DCLRE1B: variants seen among roughly 807,000 people sequenced by gnomAD.
DCLRE1B encodes 5' exonuclease Apollo.
Under a neutral mutation model 19.8 loss-of-function variants are expected in DCLRE1B, and 6 were observed. That is an observed-to-expected ratio of 0.30 (90% confidence interval 0.17 to 0.60). The LOEUF (loss-of-function observed/expected upper bound fraction) is 0.60, where lower values mean the gene tolerates loss of function less well. DCLRE1B is among the 20% of genes least tolerant of loss of function. DCLRE1B has a pLI of 0.87. For synonymous variants in DCLRE1B, 258 were observed against 255.7 expected, an observed-to-expected ratio of 1.01 and a Z score of -0.09; for missense variants, 622 against 654.2, an observed-to-expected ratio of 0.95 and a Z score of 0.54.
chr1:113,909,338 T>C (rs1201616845), intron 3 of DCLRE1B, among the ~76,000 whole-genome samples: 1 of 152,240 alleles, frequency 6.6e-6, no homozygotes, highest in East Asian at 1.9e-4. Context: ...AGTTGCCATT[T>C]GGAATAGTTT....
chr1:113,912,203 T>A lies in DCLRE1B; in HGVS notation c.*12T>A, dbSNP rs1669290587. On this transcript the variant is annotated 3_prime_UTR_variant, in exon 4 of 4. Coordinates refer to ENST00000650450, the MANE Select transcript of DCLRE1B (RefSeq NM_022836.4). The stretch of plus-strand genomic sequence containing the variant: ...ATAAACCCTGCTGAAGACAGGAGAG[T>A]ACAGAATGACAACATTGAGCCCACA... The A allele has an allele frequency of 6.3e-7, 1 of 1,587,654 alleles. No homozygotes were observed. The highest frequency in any genetic ancestry group is 1.3e-5 in the African/African-American group (1 of 74,274).
At chr1:113,911,108 C>G in intron 3 of DCLRE1B, 23 bp from the exon 4 acceptor site, 2 of 1,579,338 alleles carry the variant, frequency 1.3e-6, no homozygotes, top group Non-Finnish European at 8.6e-7. Flanking sequence ...CTTACTTTCC[C>G]CAATACATTG....
rs760666458 is a variant in DCLRE1B, at chr1:113,912,092, A to C, written c.1500A>C (p.Leu500=). 7 of 1,614,256 alleles carry C rather than the reference A, an allele frequency of 4.3e-6. No individual in the cohort carries two copies. Among genetic ancestry groups the C allele is most frequent in the Non-Finnish European group, 5.1e-6 (6 of 1,180,050 alleles). Residue 500 remains leucine, a synonymous_variant, in exon 4 of 4, where the codon CTA becomes CTC. Coordinates refer to ENST00000650450, the MANE Select transcript of DCLRE1B (RefSeq NM_022836.4). ...TTCTAGCTACTGAATTCAGGGGTCT[A>C]GCACTCAAATATCTTCTGACTCCAG... ...TPLLATEFRG[L]ALKYLLTPVN...
In DCLRE1B at chr1:113,911,774, G is replaced by A; in HGVS notation, c.1182G>A (p.Leu394=). ...DLEKQPSHHP[L]RIKKQLFPDL... is the part of the protein sequence containing the mutation. ...AAAAGCAGCCTTCCCACCATCCTTT[G>A]CGGATCAAGAAGCAGTTGTTCCCAG... The change falls in exon 4 of 4, where the codon TTG becomes TTA. Residue 394 remains leucine, a synonymous_variant. Transcript: ENST00000650450. The A allele has an allele frequency of 6.2e-7, 1 of 1,614,148 alleles. No homozygotes were observed. Among genetic ancestry groups the A allele is most frequent in the South Asian group, 1.1e-5 (1 of 91,088 alleles).
At chr1:113,905,234 T>C, upstream of DCLRE1B, 1 of 345,000 alleles carries the variant, frequency 2.9e-6, no homozygotes, top group Admixed American at 4.7e-5. Context: ...AACCTCTCAC[T>C]CTCCAGGCGC....
rs1211215258 is a variant in DCLRE1B at position 113,909,305 on chromosome 1, CATT to C, written c.538+1115_538+1117del. 2.6e-5 allele frequency among the ~76,000 whole-genome samples: 4 copies of C among 152,244 alleles called. No homozygotes were observed. In the South Asian group the frequency reaches 8.3e-4, roughly 32 times the overall value. On this transcript the variant is annotated intron_variant, in intron 3 of 3. Coordinates refer to ENST00000650450, the MANE Select transcript of DCLRE1B (RefSeq NM_022836.4). ...TGTACTGATTATAAATAGTATAAAA[CATT>C]GTTGAGGACTCTTTCTTGGAGTTGC...
At chr1:113,908,633 A>G (rs1021275960) in intron 3 of DCLRE1B, among the ~76,000 whole-genome samples, 3 of 152,186 alleles carry the variant, frequency 2.0e-5, no homozygotes, top group Non-Finnish European at 4.4e-5. Flanking sequence ...AATGAATGAA[A>G]TAAGTAAAAC....
chr1:113,907,266 G>A (rs1325450312), intron 2 of DCLRE1B, 105 bp downstream of exon 2: 4 of 1,075,524 alleles, frequency 3.7e-6, no homozygotes, highest in East Asian at 2.7e-5. Flanking sequence ...CAGTGTTGCC[G>A]AGGCTGGTCT....
Position 113,912,130 on chromosome 1 carries a change from A to G in DCLRE1B, c.1538A>G (p.Gln513Arg). The G allele has an allele frequency of 6.2e-7, 1 of 1,614,224 alleles. No homozygotes were observed. The highest frequency in any genetic ancestry group is 8.5e-7 in the Non-Finnish European group (1 of 1,180,040). The part of the protein sequence containing the change: ...KYLLTPVNFF[Q>R]AGYSSRRFDQ... ...CTTCTGACTCCAGTGAACTTTTTCC[A>G]GGCAGGGTATTCTTCCAGGAGATTT... Residue 513 changes from glutamine to arginine, a missense_variant, in exon 4 of 4, where the codon CAG becomes CGG. Around this residue, in one of 3 missense-constraint regions of DCLRE1B, gnomAD observed 382 missense variants for 412.5 expected, o/e 0.93. Transcript: ENST00000650450.
At chr1:113,905,317 G>A (rs916230586), upstream of DCLRE1B, 49 of 479,104 alleles carry the variant, frequency 1.0e-4, 1 homozygote, top group Non-Finnish European at 1.7e-4. Context: ...TCTCCTCCCT[G>A]CAGCGCGCGC....
Position 113,911,315 on chromosome 1 carries a change from C to T in DCLRE1B, c.723C>T (p.Asn241=), listed in dbSNP as rs758713704. 4 of 1,614,194 alleles carry T rather than the reference C, an allele frequency of 2.5e-6. No homozygotes were observed. The highest frequency in any genetic ancestry group is 3.4e-6 in the Non-Finnish European group (4 of 1,180,042). The change falls in exon 4 of 4, where the codon AAC becomes AAT. Residue 241 remains asparagine (N), a synonymous_variant. Coordinates refer to ENST00000650450, the MANE Select transcript of DCLRE1B (RefSeq NM_022836.4). ...AVDHMEICHS[N]MLRWNQTHPT... is the part of the protein sequence containing the mutation. ...ACCATATGGAGATCTGCCATTCCAA[C>T]ATGCTGCGTTGGAACCAGACCCACC...
chr1:113,907,212 T>TG (rs1571606895), intron 2 of DCLRE1B, 51 bp downstream of exon 2: 4 of 1,002,722 alleles, frequency 4.0e-6, no homozygotes, highest in Non-Finnish European at 5.2e-6. Flanking sequence ...ATGTTTTTTT[T>TG]TTTTTTTTTT....
Position 113,913,886 on chromosome 1 carries a change from TG to T in DCLRE1B, c.*1696del, listed in dbSNP as rs1211422306. ...ATGTTTTTCAAAGTTGAGGTAATAT[TG>T]TATAGAATTTTATAGCCTACATTTT... On this transcript the variant is annotated 3_prime_UTR_variant, in exon 4 of 4. Coordinates refer to ENST00000650450, the MANE Select transcript of DCLRE1B (RefSeq NM_022836.4). 6.6e-6 allele frequency: 1 copy of T among 152,220 alleles called. No homozygotes were observed. Among genetic ancestry groups the T allele is most frequent in the African/African-American group, 2.4e-5 (1 of 41,466 alleles). The allele number at this position is 152,220 out of a possible 1,614,324, so 9.4% of individuals were successfully genotyped here.
chr1:113,907,061 T>C lies in DCLRE1B; in HGVS notation c.255T>C (p.Ile85=). Residue 85 remains isoleucine (I), a synonymous_variant, in exon 2 of 4, where the codon ATT becomes ATC. Coordinates refer to ENST00000650450, the MANE Select transcript of DCLRE1B (RefSeq NM_022836.4). The part of the protein sequence containing the change: ...GESHVLPLDE[I]GQETMTVTLL... ...GCCATGTATTACCCCTAGATGAAAT[T>C]GGACAAGAGACCATGACCGTAACCC... 2 of 1,613,974 alleles carry C rather than the reference T, an allele frequency of 1.2e-6. No homozygotes were observed. Among genetic ancestry groups the C allele is most frequent in the Non-Finnish European group, 8.5e-7 (1 of 1,179,990 alleles).
At position 113,913,179 on chromosome 1, in the gene DCLRE1B, C is replaced by A. The variant is rs41283518; in HGVS notation, c.*988C>A. 4,186 of 153,010 alleles carry A rather than the reference C, an allele frequency of 0.027. 75 individuals are homozygous for A. Among genetic ancestry groups the A allele is most frequent in the Non-Finnish European group, 0.042 (2,850 of 68,182 alleles). 9.5% of individuals were successfully genotyped at this position (153,010 alleles called of 1,614,324 possible). A position where few individuals can be genotyped will look rare whatever the true frequency, so the allele number is the denominator to read the frequency against. Reference sequence around the variant, plus strand: ...GGTGGGGGTGTGCAGTCTGCCCTGTCCTTCTGCTCATAACCTGACAAAATG... The same window carrying A: ...GGTGGGGGTGTGCAGTCTGCCCTGTACTTCTGCTCATAACCTGACAAAATG... On this transcript the variant is annotated 3_prime_UTR_variant, in exon 4 of 4. Coordinates refer to ENST00000650450, the MANE Select transcript of DCLRE1B (RefSeq NM_022836.4).
chr1:113,913,594 T>C lies in DCLRE1B; in HGVS notation c.*1403T>C, dbSNP rs577676284. 1.3e-5 allele frequency: 2 copies of C among 152,808 alleles called. No homozygotes were observed. Among genetic ancestry groups the C allele is most frequent in the South Asian group, 4.1e-4 (2 of 4,830 alleles). The allele number at this position is 152,808 out of a possible 1,614,324, so 9.5% of individuals were successfully genotyped here. Reference sequence around the variant, plus strand: ...AAATTGTGGAGCCTAGTTCCTCATCTGTAAGATGGACTTGAGATTCCTACC... The same window carrying C: ...AAATTGTGGAGCCTAGTTCCTCATCCGTAAGATGGACTTGAGATTCCTACC... On this transcript the variant is annotated 3_prime_UTR_variant, in exon 4 of 4. Transcript: ENST00000650450.
At position 113,913,624 on chromosome 1, in the gene DCLRE1B, A is replaced by C. The variant is rs1669343053; in HGVS notation, c.*1433A>C. 6.5e-6 allele frequency: 1 copy of C among 152,726 alleles called. No homozygotes were observed. The allele number at this position is 152,726 out of a possible 1,614,324, so 9.5% of individuals were successfully genotyped here. ...GATGGACTTGAGATTCCTACCTCTC[A>C]TGATTACTATGGAGATTGAATAATT... On this transcript the variant is annotated 3_prime_UTR_variant, in exon 4 of 4. Transcript: ENST00000650450.
rs774706467 is a variant in DCLRE1B, at chr1:113,908,162, G to A, written c.509G>A (p.Arg170Gln). 1.2e-6 allele frequency: 2 copies of A among 1,613,914 alleles called. No homozygotes were observed. The highest frequency in any genetic ancestry group is 2.2e-5 in the South Asian group (2 of 91,032). Residue 170 changes from arginine (R) to glutamine (Q), a missense_variant, in exon 3 of 4, where the codon CGA becomes CAA. Arg to Gln is a conservative substitution (Grantham distance 43). Coordinates refer to ENST00000650450, the MANE Select transcript of DCLRE1B (RefSeq NM_022836.4). ...EAAHQIVQLIRKHPQHNIKIG... is the reference protein window; with the variant it reads ...EAAHQIVQLIQKHPQHNIKIG... ...GCCCACCAGATTGTCCAGCTCATTC[G>A]AAAACACCCACAACATAACATAAAG...
upstream of DCLRE1B, chr1:113,904,795 T>C (rs865997014): frequency 6.5e-5 from 79 of 1,213,166 alleles, no homozygotes; most frequent in African/African-American, 9.1e-4. Context: ...TGTGGGAGCC[T>C]GAGTAAAGGA....
Sources: allele counts gnomAD v4.1 joint callset (sites outside exome capture counted in the v4.1 genomes callset), GRCh38; gene constraint gnomAD v4.1.1; regional missense constraint gnomAD v4.1.1; transcripts MANE v1.5; gene names NCBI Gene and HGNC (gene_info 2026-07-23, HGNC 2026-07-21).